Variants in SPINK14 observed in about 807,000 individuals in gnomAD.
SPINK14 encodes the protein serine protease inhibitor Kazal-type 14.
In SPINK14, 6 loss-of-function variants were observed where a neutral mutation model predicts 14.2. The observed-to-expected ratio is 0.42, with a 90% confidence interval of 0.23 to 0.83. The LOEUF (loss-of-function observed/expected upper bound fraction) is 0.83. SPINK14 is among the 40% of genes least tolerant of loss of function. The probability of loss-of-function intolerance (pLI) is 0.28; values close to 1 mark genes in which losing one functional copy is unlikely to be tolerated. For synonymous variants in SPINK14, 34 were observed against 36.8 expected, an observed-to-expected ratio of 0.92 and a Z score of 0.27; for missense variants, 86 against 108.3, an observed-to-expected ratio of 0.79 and a Z score of 0.91.
At chr5:148,172,457 A>C (rs1755118224) in intron 3 of SPINK14, among the ~76,000 whole-genome samples, 1 of 152,164 alleles carries the variant, frequency 6.6e-6, no homozygotes, top group African/African-American at 2.4e-5. Flanking sequence ...TGTCTTTGAT[A>C]ACTGTATATT....
At chr5:148,173,612 T>C (rs1755134565) in intron 3 of SPINK14, among the ~76,000 whole-genome samples, 1 of 97,174 alleles carries the variant, frequency 1.0e-5, no homozygotes, top group South Asian at 3.3e-4. Flanking sequence ...CCAGATCTAA[T>C]AATTGGGGCA....
chr5:148,169,863 C>T, intron 2 of SPINK14, 64 bp downstream of exon 2: 1 of 1,338,520 alleles, frequency 7.5e-7, no homozygotes, highest in Non-Finnish European at 1.1e-6. Context: ...ACATCATAAT[C>T]TGAGAGAGAA....
At position 148,169,757 on chromosome 5, in the gene SPINK14, TC is replaced by T; in HGVS notation, c.26del (p.Ser9TyrfsTer7). The T allele has an allele frequency of 6.2e-7, 1 of 1,606,706 alleles. No homozygotes were observed. The highest frequency in any genetic ancestry group is 8.5e-7 in the Non-Finnish European group (1 of 1,176,422). On this transcript the variant is annotated frameshift_variant, in exon 2 of 5. Transcript: ENST00000356972. LOFTEE classifies it high-confidence loss of function. MAKSFPVFSLLSFILIHLV... is the reference protein window; with the variant it reads MAKSFPVFXLLSFILIHLV... ...AATGGCCAAATCTTTCCCAGTATTCTCACTTTTGTCCTTTATCTTGATACAT... is the reference window on the plus strand; with the variant it reads ...AATGGCCAAATCTTTCCCAGTATTCTACTTTTGTCCTTTATCTTGATACAT...
At chr5:148,169,358 A>T (rs181994671) in intron 1 of SPINK14, among the ~76,000 whole-genome samples, 1 of 152,128 alleles carries the variant, frequency 6.6e-6, no homozygotes, top group African/African-American at 2.4e-5. Context: ...TCAAAAGATA[A>T]ATTTAGGTGA....
chr5:148,171,023 C>G (rs746546903), intron 3 of SPINK14, 50 bp downstream of exon 3: 3 of 1,530,596 alleles, frequency 2.0e-6, no homozygotes, highest in South Asian at 2.3e-5. Context: ...AATATGAGTT[C>G]TTTTTTTTTG....
chr5:148,171,065 G>A, intron 3 of SPINK14, 92 bp downstream of exon 3: 1 of 1,217,660 alleles, frequency 8.2e-7, no homozygotes, highest in Non-Finnish European at 1.2e-6. Flanking sequence ...AATGCCTCAA[G>A]GTCACCCGTA....
intron 2 of SPINK14, 88 bp from the exon 3 acceptor site, chr5:148,170,842 A>G: frequency 2.6e-6 from 3 of 1,167,414 alleles, no homozygotes; most frequent in Non-Finnish European, 3.8e-6. Flanking sequence ...TTCCTTGATA[A>G]TAAATTAGAA....
At chr5:148,170,769 T>A (rs1429769005) in intron 2 of SPINK14, among the ~76,000 whole-genome samples, 161 bp from the exon 3 acceptor site, 1 of 152,110 alleles carries the variant, frequency 6.6e-6, no homozygotes, top group African/African-American at 2.4e-5. Context: ...AAGATTTATT[T>A]CACATTTAAA....
At chr5:148,170,490 C>T (rs940416644) in intron 2 of SPINK14, among the ~76,000 whole-genome samples, 1 of 152,090 alleles carries the variant, frequency 6.6e-6, no homozygotes, top group African/African-American at 2.4e-5. Flanking sequence ...GGCCTAGCCT[C>T]AAGGGCTGCA....
At chr5:148,172,041 G>A (rs1435692369) in intron 3 of SPINK14, among the ~76,000 whole-genome samples, 1 of 152,128 alleles carries the variant, frequency 6.6e-6, no homozygotes, top group African/African-American at 2.4e-5. Flanking sequence ...TTTTCCTCAT[G>A]AACCTTGCAG....
Position 148,170,934 on chromosome 5 carries a change from A to G in SPINK14, c.72A>G (p.Ser24=). 6.2e-7 allele frequency: 1 copy of G among 1,611,756 alleles called. No homozygotes were observed. The highest frequency in any genetic ancestry group is 8.5e-7 in the Non-Finnish European group (1 of 1,178,238). The change falls in exon 3 of 5, where the codon TCA becomes TCG. Residue 24 remains serine (S), a synonymous_variant. Coordinates refer to ENST00000356972, the MANE Select transcript of SPINK14 (RefSeq NM_001001325.2). Reference sequence around the variant, plus strand: ...CTATTTTCATGTATTCTCTAGTTTCAGGCCCTAGACACTGGTGGCCACCAC... The same window carrying G: ...CTATTTTCATGTATTCTCTAGTTTCGGGCCCTAGACACTGGTGGCCACCAC... ...ILIHLVLSSV[S]GPRHWWPPRG...
chr5:148,170,813 GT>G (rs1755094759), intron 2 of SPINK14, 116 bp from the exon 3 acceptor site: 2 of 847,788 alleles, frequency 2.4e-6, no homozygotes, highest in East Asian at 2.6e-5. Flanking sequence ...ATGAAATAAT[GT>G]TTTCCATTGC....
intron 3 of SPINK14, among the ~76,000 whole-genome samples, chr5:148,172,481 C>G (rs1347836405): frequency 6.6e-6 from 1 of 152,134 alleles, no homozygotes; most frequent in East Asian, 1.9e-4. Flanking sequence ...TCAGATTCAA[C>G]TATTTTATAT....
Position 148,175,429 on chromosome 5 carries a change from CTTTTT to C in SPINK14, c.*37_*41del. On this transcript the variant is annotated 3_prime_UTR_variant, in exon 5 of 5. Transcript: ENST00000356972. ...TGGACTTGAATGTGGAAGATATCTT[CTTTTT>C]TTTTTCCTCCATGTCTCCAATCTCC... The C allele has an allele frequency of 7.2e-7, 1 of 1,390,184 alleles. No individual in the cohort carries two copies. Among genetic ancestry groups the C allele is most frequent in the South Asian group, 1.3e-5 (1 of 79,640 alleles). 86.1% of individuals were successfully genotyped at this position (1,390,184 alleles called of 1,614,324 possible). A position where few individuals can be genotyped will look rare whatever the true frequency, so the allele number is the denominator to read the frequency against.
At chr5:148,171,023 CTT>C in intron 3 of SPINK14, 50 bp downstream of exon 3, 1 of 1,530,688 alleles carries the variant, frequency 6.5e-7, no homozygotes, top group Non-Finnish European at 9.0e-7. Context: ...AATATGAGTT[CTT>C]TTTTTTTGGA....
intron 2 of SPINK14, 145 bp from the exon 3 acceptor site, chr5:148,170,785 G>A: frequency 1.4e-6 from 1 of 718,280 alleles, no homozygotes; most frequent in Non-Finnish European, 2.4e-6. Flanking sequence ...TTAAAAAAAT[G>A]AATGAATACA....
chr5:148,170,972 A>G lies in SPINK14; in HGVS notation c.110A>G (p.Lys37Arg). Residue 37 changes from lysine to arginine, a missense_variant and splice_region_variant, in exon 3 of 5, where the codon AAG becomes AGG. Physicochemically the swap from Lys to Arg is conservative, Grantham distance 26. Transcript: ENST00000356972. ...RHWWPPRGII[K>R]VKCPYEKVNL... Reference sequence around the variant, plus strand: ...TGGTGGCCACCACGTGGAATTATTAAGGTAATGTTCCATTAAATTTCCCCC... The same window carrying G: ...TGGTGGCCACCACGTGGAATTATTAGGGTAATGTTCCATTAAATTTCCCCC... 6.2e-7 allele frequency: 1 copy of G among 1,612,296 alleles called. No individual in the cohort carries two copies. Among genetic ancestry groups the G allele is most frequent in the Non-Finnish European group, 8.5e-7 (1 of 1,178,670 alleles).
rs138224750 is a variant in SPINK14 at position 148,173,372 on chromosome 5, C to T, written c.112-862C>T. Reference sequence around the variant, plus strand: ...CCCTGAAAACAAACATCCCTGAGTCCGGGTCCCTGAGGAGACATGTCCCTT... The same window carrying T: ...CCCTGAAAACAAACATCCCTGAGTCTGGGTCCCTGAGGAGACATGTCCCTT... On this transcript the variant is annotated intron_variant, in intron 3 of 4. Transcript: ENST00000356972. Among the ~76,000 whole-genome samples the T allele has an allele frequency of 3.4e-3, 524 of 152,120 alleles. 7 individuals carry two copies. The highest frequency in any genetic ancestry group is 0.012 in the African/African-American group (508 of 41,530).
chr5:148,170,638 C>A (rs1353248905), intron 2 of SPINK14, among the ~76,000 whole-genome samples: 1 of 152,098 alleles, frequency 6.6e-6, no homozygotes, highest in African/African-American at 2.4e-5. Flanking sequence ...ACATAGATTA[C>A]CAGCTCTAAG....
Sources: allele counts gnomAD v4.1 joint callset (sites outside exome capture counted in the v4.1 genomes callset), GRCh38; gene constraint gnomAD v4.1.1; transcripts MANE v1.5; gene names NCBI Gene and HGNC (gene_info 2026-07-23, HGNC 2026-07-21).